SPEN: variants seen among roughly 807,000 people sequenced by gnomAD.
The protein encoded by SPEN is spen family transcriptional repressor.
Under a neutral mutation model 269.9 loss-of-function variants are expected in SPEN, and 18 were observed. The ratio of observed to expected loss-of-function variants is 0.07; its 90% CI spans 0.05 to 0.10. SPEN has a LOEUF of 0.10. Among genes scored for constraint, SPEN ranks in the 10% least tolerant of loss-of-function variants. SPEN has a pLI of 1.00. For missense variants in SPEN, 3,822 were observed against 4,631.2 expected (o/e 0.83, Z 5.07); for synonymous variants, 1,726 against 1,765.7 (o/e 0.98, Z 0.56).
At chr1:15,916,875 T>G (rs2071071703) in intron 6 of SPEN, among the ~76,000 whole-genome samples, 1 of 152,168 alleles carries the variant, frequency 6.6e-6, no homozygotes, top group Non-Finnish European at 1.5e-5. Context: ...ACCTATAATC[T>G]CAGCACTTTG....
intron 1 of SPEN, 92 bp from the exon 2 acceptor site, chr1:15,872,722 TAC>T: frequency 1.0e-6 from 1 of 987,474 alleles, no homozygotes; most frequent in Admixed American, 2.8e-5. Context: ...TCGTCCCTCC[TAC>T]ATACATAACG....
rs748458103 is a variant in SPEN at position 15,932,858 on chromosome 1, T to C, written c.6618T>C (p.Pro2206=). ...TTGCCCCAGAGGACAGGGACAAGCCTGCACACCAAGCAAGTGAAACAGAGC... is the reference window on the plus strand; with the variant it reads ...TTGCCCCAGAGGACAGGGACAAGCCCGCACACCAAGCAAGTGAAACAGAGC... The part of the protein sequence containing the change: ...EGLAPEDRDK[P]AHQASETELA... The change falls in exon 11 of 15, where the codon CCT becomes CCC. Residue 2206 remains proline, a synonymous_variant. Coordinates refer to ENST00000375759, the MANE Select transcript of SPEN (RefSeq NM_015001.3). The surrounding 1 kb of genome is among the most constrained non-coding windows in gnomAD (Gnocchi z 4.2). The C allele has an allele frequency of 1.9e-6, 3 of 1,614,098 alleles. No individual in the cohort carries two copies. Among genetic ancestry groups the C allele is most frequent in the Admixed American group, 1.7e-5 (1 of 60,000 alleles).
chr1:15,877,738 C>CTTTTTTTT (rs777782248), intron 3 of SPEN, among the ~76,000 whole-genome samples: 8 of 106,836 alleles, frequency 7.5e-5, no homozygotes, highest in African/African-American at 1.2e-4. Context: ...TCAGCTTTCC[C>CTTTTTTTT]TTTTTTTTTT....
chr1:15,929,059 C>T lies in SPEN; in HGVS notation c.2819C>T (p.Pro940Leu). 1.9e-6 allele frequency: 3 copies of T among 1,614,062 alleles called. No homozygotes were observed. The highest frequency in any genetic ancestry group is 2.5e-6 in the Non-Finnish European group (3 of 1,180,028). ...SKLESVRMKV[P>L]KEKGLSSHVE... ...CTGGAATCAGTTAGAATGAAAGTAC[C>T]AAAGGAAAAGGGGCTTTCAAGCCAT... The change falls in exon 11 of 15, where the codon CCA becomes CTA. Residue 940 changes from proline to leucine, a missense_variant. This residue lies in a region of SPEN where 572 missense variants were observed against 582.6 expected (regional missense o/e 0.98). Coordinates refer to ENST00000375759, the MANE Select transcript of SPEN (RefSeq NM_015001.3). This position sits in a 1 kb window ranked among gnomAD's most constrained non-coding sequence, Gnocchi z 5.8.
At chr1:15,873,596 A>G in intron 2 of SPEN, 1 of 994,868 alleles carries the variant, frequency 1.0e-6, no homozygotes, top group Non-Finnish European at 1.2e-6. Context: ...GTACAAACAA[A>G]TTGGATTGTA....
chr1:15,937,433 T>C lies in SPEN; in HGVS notation c.10297T>C (p.Ser3433Pro). The C allele has an allele frequency of 6.2e-7, 1 of 1,613,394 alleles. No homozygotes were observed. Among genetic ancestry groups the C allele is most frequent in the Non-Finnish European group, 8.5e-7 (1 of 1,179,964 alleles). The change falls in exon 12 of 15, where the codon TCC becomes CCC. Residue 3433 changes from serine to proline, a missense_variant. Transcript: ENST00000375759. The surrounding 1 kb of genome is among the most constrained non-coding windows in gnomAD (Gnocchi z 5.7). ...QAETGPTSFP[S>P]PVSVSMKPDL... ...AGAAACAGGCCCGACTTCCTTCCCC[T>C]CCCCTGTGTCTGTCTCCATGAAGCC...
intron 1 of SPEN, among the ~76,000 whole-genome samples, chr1:15,862,566 T>C (rs6695698): frequency 0.89 from 136,081 of 152,250 alleles, 61,208 homozygotes; most frequent in African/African-American, 0.96. Context: ...ACAGAAACTT[T>C]GGAATTTTTC....
At chr1:15,857,895 C>T (rs2070403202) in intron 1 of SPEN, among the ~76,000 whole-genome samples, 1 of 151,722 alleles carries the variant, frequency 6.6e-6, no homozygotes, top group Admixed American at 6.6e-5. Context: ...TTTGGGAGGC[C>T]GAGGTGGGTG....
Position 15,920,967 on chromosome 1 carries a change from G to T in SPEN, c.1733G>T (p.Gly578Val). ...AAAGAGACCAAAGGGAGGAAAATCG[G>T]TGGGAATAAAATTAAGGTGTGCAGA... ...AVKETKGRKI[G>V]GNKIKVDFAN... Residue 578 changes from glycine to valine, a missense_variant, in exon 9 of 15, where the codon GGT (glycine) becomes GTT (valine). Coordinates refer to ENST00000375759, the MANE Select transcript of SPEN (RefSeq NM_015001.3). 1 of 1,606,530 alleles carries T rather than the reference G, an allele frequency of 6.2e-7. No homozygotes were observed. The highest frequency in any genetic ancestry group is 1.1e-5 in the South Asian group (1 of 90,630).
At chr1:15,863,268 A>C (rs1000392062) in intron 1 of SPEN, among the ~76,000 whole-genome samples, 1 of 152,100 alleles carries the variant, frequency 6.6e-6, no homozygotes, top group Admixed American at 6.6e-5. Flanking sequence ...AAAACTGCAC[A>C]TGCACACACA....
In SPEN at chr1:15,935,481, C is replaced by T. The variant is rs759249647; in HGVS notation, c.9241C>T (p.Pro3081Ser). Residue 3081 changes from proline (P) to serine (S), a missense_variant, in exon 11 of 15, where the codon CCC (proline) becomes TCC (serine). Pro to Ser is a moderately conservative substitution (Grantham distance 74). Around this residue, in one of 16 missense-constraint regions of SPEN, gnomAD observed 153 missense variants for 228.5 expected, o/e 0.67. Transcript: ENST00000375759. This position sits in a 1 kb window ranked among gnomAD's most constrained non-coding sequence, Gnocchi z 7.7. ...IHPEQSVIMP[P>S]HSITQTVSLS... ...CCCAGAGCAGTCTGTCATCATGCCACCCCACAGCATCACCCAGACTGTGTC... is the reference window on the plus strand; with the variant it reads ...CCCAGAGCAGTCTGTCATCATGCCATCCCACAGCATCACCCAGACTGTGTC... 2.1e-5 allele frequency: 34 copies of T among 1,614,012 alleles called. No homozygotes were observed. Among genetic ancestry groups the T allele is most frequent in the African/African-American group, 2.7e-5 (2 of 74,896 alleles).
Position 15,929,638 on chromosome 1 carries a change from A to AT in SPEN, c.3400dup (p.Cys1134LeufsTer5). On this transcript the variant is annotated frameshift_variant, in exon 11 of 15. Coordinates refer to ENST00000375759, the MANE Select transcript of SPEN (RefSeq NM_015001.3). LOFTEE classifies it high-confidence loss of function. This position sits in a 1 kb window ranked among gnomAD's most constrained non-coding sequence, Gnocchi z 5.8. ...GAGAGAGAAGACGTTAGGAAAAACT[A>AT]TTGCAGTCTTCGTGATGAAACACCT... 6.2e-7 allele frequency: 1 copy of AT among 1,614,174 alleles called. No individual in the cohort carries two copies. The highest frequency in any genetic ancestry group is 8.5e-7 in the Non-Finnish European group (1 of 1,180,018).
intron 5 of SPEN, among the ~76,000 whole-genome samples, chr1:15,914,287 C>G (rs1014127446): frequency 6.6e-6 from 1 of 152,168 alleles, no homozygotes; most frequent in African/African-American, 2.4e-5. Flanking sequence ...TTTAAAAATA[C>G]CAGTGTTGTT....
In SPEN at chr1:15,932,281, C is replaced by G. The variant is rs1309777978; in HGVS notation, c.6041C>G (p.Thr2014Ser). Residue 2014 changes from threonine (T) to serine (S), a missense_variant, in exon 11 of 15, where the codon ACC becomes AGC. This residue lies in a region of SPEN where 727 missense variants were observed against 737.9 expected (regional missense o/e 0.99). Coordinates refer to ENST00000375759, the MANE Select transcript of SPEN (RefSeq NM_015001.3). The surrounding 1 kb of genome is among the most constrained non-coding windows in gnomAD (Gnocchi z 4.2). ...GTGGATGCTACACGTCCTGAGGCCA[C>G]CACTGAGGTGGGCCCCCAAATAGGC... ...PKVDATRPEA[T>S]TEVGPQIGVK... The G allele has an allele frequency of 1.2e-6, 2 of 1,608,094 alleles. No homozygotes were observed. Among genetic ancestry groups the G allele is most frequent in the South Asian group, 2.2e-5 (2 of 90,046 alleles).
intron 1 of SPEN, among the ~76,000 whole-genome samples, chr1:15,863,408 T>C (rs147739197): frequency 2.3e-4 from 35 of 152,316 alleles, no homozygotes; most frequent in African/African-American, 8.2e-4. Flanking sequence ...AAGTTTTCTA[T>C]GTTCAGGAAT....
intron 3 of SPEN, among the ~76,000 whole-genome samples, chr1:15,899,848 A>AT (rs1334362115): frequency 3.3e-5 from 5 of 150,676 alleles, no homozygotes; most frequent in Non-Finnish European, 7.4e-5. Flanking sequence ...TTTTTATTTT[A>AT]TTTATTTATT....
chr1:15,857,839 T>A (rs183589381), intron 1 of SPEN, among the ~76,000 whole-genome samples: 1 of 152,092 alleles, frequency 6.6e-6, no homozygotes, highest in East Asian at 1.9e-4. Flanking sequence ...TAAAAAAATT[T>A]GTTTTAGAGA....
At chr1:15,856,457 A>G (rs1310040075) in intron 1 of SPEN, among the ~76,000 whole-genome samples, 1 of 152,092 alleles carries the variant, frequency 6.6e-6, no homozygotes, top group African/African-American at 2.4e-5. Context: ...TTCGTCACCA[A>G]TACAAATCAT....
chr1:15,905,376 C>T (rs2070945957), intron 3 of SPEN, among the ~76,000 whole-genome samples: 1 of 150,352 alleles, frequency 6.7e-6, no homozygotes, highest in African/African-American at 2.5e-5. Context: ...CATGAGCTGC[C>T]ACGCCCAGCT....
Sources: allele counts gnomAD v4.1 joint callset (sites outside exome capture counted in the v4.1 genomes callset), GRCh38; gene constraint gnomAD v4.1.1; regional missense constraint gnomAD v4.1.1; non-coding constraint Gnocchi (gnomAD v3.1); transcripts MANE v1.5; gene names NCBI Gene and HGNC (gene_info 2026-07-23, HGNC 2026-07-21).